The following REPS1 variants were observed in gnomAD, a reference collection of about 807,000 sequenced individuals.
REPS1 encodes ralBP1-associated Eps domain-containing protein 1.
Under a neutral mutation model 100.9 loss-of-function variants are expected in REPS1, and 39 were observed. The observed-to-expected ratio is 0.39, with a 90% CI of 0.30 to 0.50. The LOEUF is 0.50. REPS1 is among the 20% of genes least tolerant of loss of function. The probability of loss-of-function intolerance (pLI) is 0.86; values close to 1 mark genes in which losing one functional copy is unlikely to be tolerated. For synonymous variants in REPS1, 324 were observed against 340.3 expected, an observed-to-expected ratio of 0.95 and a Z score of 0.53; for missense variants, 821 against 968.5, an observed-to-expected ratio of 0.85 and a Z score of 2.02.
chr6:138,941,151 A>G (rs1446115908), intron 8 of REPS1, among the ~76,000 whole-genome samples, 184 bp downstream of exon 8: 1 of 152,254 alleles, frequency 6.6e-6, no homozygotes, highest in East Asian at 1.9e-4. Flanking sequence ...ATTTTTAAAA[A>G]TAGACTGAAT....
intron 16 of REPS1, 123 bp from the exon 17 acceptor site, chr6:138,911,494 A>C (rs1780002092): frequency 2.9e-6 from 2 of 689,704 alleles, no homozygotes; most frequent in African/African-American, 3.6e-5. Flanking sequence ...AGATGATGAT[A>C]AGAAACTTGA....
At chr6:138,938,492 T>C (rs1782009359) in intron 8 of REPS1, among the ~76,000 whole-genome samples, 3 of 152,116 alleles carry the variant, frequency 2.0e-5, no homozygotes, top group Admixed American at 2.0e-4. Flanking sequence ...TCAAGAAAAA[T>C]ATCTTCCTTT....
intron 13 of REPS1, chr6:138,916,333 G>A: frequency 4.9e-6 from 1 of 205,770 alleles, no homozygotes; most frequent in Non-Finnish European, 9.3e-6. Flanking sequence ...CGATTCTCCT[G>A]CTTCAGCCTC....
At chr6:138,985,476 G>A (rs1371293982) in intron 1 of REPS1, among the ~76,000 whole-genome samples, 1 of 152,176 alleles carries the variant, frequency 6.6e-6, no homozygotes, top group Non-Finnish European at 1.5e-5. Flanking sequence ...CACTTAGAAA[G>A]CAATGGAGGA....
rs1274881452 is a variant in REPS1, at chr6:138,941,501, G to A, written c.981-12C>T. The A allele has an allele frequency of 6.2e-7, 1 of 1,610,374 alleles. No homozygotes were observed. The highest frequency in any genetic ancestry group is 1.7e-5 in the Admixed American group (1 of 59,816). ...AGTCTGAGAGTTCCCTAGAAGATAA[G>A]TTTATTGTGAATATAATCACATTCC... is the stretch of plus-strand genomic sequence containing the variant. On this transcript the variant is annotated splice_polypyrimidine_tract_variant and intron_variant, in intron 7 of 19. Transcript: ENST00000450536.
chr6:138,961,660 A>G (rs1241764251), intron 1 of REPS1, among the ~76,000 whole-genome samples: 2 of 152,232 alleles, frequency 1.3e-5, no homozygotes, highest in Non-Finnish European at 2.9e-5. Flanking sequence ...TCAGCGCAGT[A>G]AAAAAGGTAA....
chr6:138,954,113 TG>T (rs1256801132), intron 1 of REPS1, among the ~76,000 whole-genome samples: 2 of 150,326 alleles, frequency 1.3e-5, no homozygotes, highest in Non-Finnish European at 3.0e-5. Context: ...AACTCATATG[TG>T]GAAAAAAAAA....
chr6:138,977,546 CAG>C (rs1345508160), intron 1 of REPS1, among the ~76,000 whole-genome samples: 1 of 152,122 alleles, frequency 6.6e-6, no homozygotes, highest in African/African-American at 2.4e-5. Context: ...CTATATTGCC[CAG>C]AGACATGTTT....
In REPS1 at chr6:138,915,864, T is replaced by C. The variant is rs773035326; in HGVS notation, c.1714A>G (p.Thr572Ala). ...ATGGTTCTCTAGCCCCTACCTGTGGTGACTGTAAAGGTCCGATTCATATCT... is the reference window on the plus strand; with the variant it reads ...ATGGTTCTCTAGCCCCTACCTGTGGCGACTGTAAAGGTCCGATTCATATCT... ...SLDMNRTFTV[T>A]TGQQQAGVVA... The change falls in exon 14 of 20, where the codon ACC becomes GCC. Residue 572 changes from threonine to alanine, a missense_variant. By Grantham distance (58) the Thr-to-Ala change is moderately conservative (BLOSUM62 0). Coordinates refer to ENST00000450536, the MANE Select transcript of REPS1 (RefSeq NM_001286611.2). 5.0e-6 allele frequency: 8 copies of C among 1,601,916 alleles called. No homozygotes were observed. The South Asian group carries it at 8.8e-5, about 18-fold the overall frequency.
chr6:138,907,631 T>C (rs1212443728), intron 18 of REPS1, 31 bp from the exon 19 acceptor site: 7 of 1,321,558 alleles, frequency 5.3e-6, no homozygotes, highest in African/African-American at 1.4e-5. Flanking sequence ...AAAAAACCCA[T>C]AACCTTCATT....
At chr6:138,960,634 G>C (rs1211807666) in intron 1 of REPS1, among the ~76,000 whole-genome samples, 2 of 152,078 alleles carry the variant, frequency 1.3e-5, no homozygotes, top group Non-Finnish European at 2.9e-5. Context: ...TTAAAGTGTA[G>C]AGGAAATTCA....
chr6:138,912,793 T>G lies in REPS1; in HGVS notation c.1943A>C (p.Glu648Ala), dbSNP rs1780094315. ...CAGGACTTCTGGATGTTTCTCGGCT[T>G]CATCATCTTGTTCGTCGTTTACATT... ...ASNVNDEQDD[E>A]AEKHPEVLPA... is the part of the protein sequence containing the mutation. The change falls in exon 16 of 20, where the codon GAA becomes GCA. Residue 648 changes from glutamate to alanine, a missense_variant. Physicochemically the swap from Glu to Ala is moderately radical, Grantham distance 107 (BLOSUM62 -1). Transcript: ENST00000450536. The G allele has an allele frequency of 1.2e-6, 2 of 1,614,212 alleles. No individual in the cohort carries two copies. The highest frequency in any genetic ancestry group is 1.7e-6 in the Non-Finnish European group (2 of 1,180,026).
At chr6:138,945,722 C>T in intron 2 of REPS1, 25 bp from the exon 3 acceptor site, 1 of 1,488,520 alleles carries the variant, frequency 6.7e-7, no homozygotes, top group South Asian at 1.4e-5. Context: ...ATAATCATTA[C>T]TTCAAAATAA....
intron 1 of REPS1, among the ~76,000 whole-genome samples, chr6:138,984,531 C>T (rs1785146225): frequency 6.6e-6 from 1 of 152,172 alleles, no homozygotes. Flanking sequence ...CCTCTACCCA[C>T]TAGATGCCAG....
chr6:138,917,616 T>C lies in REPS1; in HGVS notation c.1540A>G (p.Ser514Gly). The change falls in exon 13 of 20, where the codon AGT (serine) becomes GGT (glycine). Residue 514 changes from serine to glycine, a missense_variant. Ser to Gly is a moderately conservative substitution (Grantham distance 56). Transcript: ENST00000450536. ...ASGNTVADGYSSSDSFTSDPE... is the reference protein window; with the variant it reads ...ASGNTVADGYGSSDSFTSDPE... ...TCAGAAGTAAAAGAGTCTGAACTAC[T>C]GTAACCATCTGCTGATAAATGGGAT... 1 of 1,612,972 alleles carries C rather than the reference T, an allele frequency of 6.2e-7. No individual in the cohort carries two copies. Among genetic ancestry groups the C allele is most frequent in the Non-Finnish European group, 8.5e-7 (1 of 1,179,194 alleles).
chr6:138,957,342 T>G (rs1783451208), intron 1 of REPS1, among the ~76,000 whole-genome samples: 1 of 152,174 alleles, frequency 6.6e-6, no homozygotes, highest in Non-Finnish European at 1.5e-5. Context: ...TAGACTAGAA[T>G]GAGACTTAGC....
chr6:138,950,479 T>TC (rs1352057663), intron 1 of REPS1, among the ~76,000 whole-genome samples: 3 of 151,198 alleles, frequency 2.0e-5, no homozygotes, highest in African/African-American at 4.9e-5. Flanking sequence ...AGACTCTGTC[T>TC]CCCCCCGCAA....
At chr6:138,917,972 C>A (rs370242803) in intron 12 of REPS1, among the ~76,000 whole-genome samples, 3 of 151,886 alleles carry the variant, frequency 2.0e-5, no homozygotes, top group Non-Finnish European at 2.9e-5. Flanking sequence ...TTCAACCAAC[C>A]GCAAACAGAA....
chr6:138,905,942 T>C (rs999056525), intron 19 of REPS1, among the ~76,000 whole-genome samples: 8 of 152,354 alleles, frequency 5.3e-5, no homozygotes, highest in African/African-American at 1.7e-4. Context: ...TTCCTATTTT[T>C]CTCTTTCAAA....
Sources: gnomAD v4.1 joint callset for allele counts (sites outside exome capture counted in the v4.1 genomes callset) on GRCh38, gnomAD v4.1.1 for gene constraint, MANE v1.5 for transcripts, NCBI Gene and HGNC (gene_info 2026-07-23, HGNC 2026-07-21) for gene names.